The following ARHGEF12 variants were observed in gnomAD, a reference collection of about 807,000 sequenced individuals.
The protein encoded by ARHGEF12 is Rho guanine nucleotide exchange factor 12, also known as KMT2A/ARHGEF12 fusion protein.
In ARHGEF12, 66 loss-of-function variants were observed where a neutral mutation model predicts 211.2. The observed-to-expected ratio is 0.31, with a 90% CI of 0.26 to 0.38. The LOEUF (loss-of-function observed/expected upper bound fraction) is 0.38. ARHGEF12 is among the 10% of genes least tolerant of loss of function. ARHGEF12 has a pLI of 1.00. For synonymous variants in ARHGEF12, 592 were observed against 638.4 expected (o/e 0.93, Z 1.09); for missense variants, 1,429 against 1,869.5 (o/e 0.76, Z 4.34).
chr11:120,375,981 A>G (rs1943713959), intron 1 of ARHGEF12, among the ~76,000 whole-genome samples: 1 of 152,150 alleles, frequency 6.6e-6, no homozygotes, highest in South Asian at 2.1e-4. Flanking sequence ...GTTGGAAGGA[A>G]GATCACAGAG....
At chr11:120,458,014 G>T in intron 24 of ARHGEF12, 66 bp from the exon 25 acceptor site, 1 of 1,518,208 alleles carries the variant, frequency 6.6e-7, no homozygotes, top group East Asian at 2.3e-5. Context: ...GTAATATAAA[G>T]ATTTGTGCTG....
rs773062414 is a variant in ARHGEF12, at chr11:120,449,184, C to A, written c.1813C>A (p.Arg605=). ...ATTCCCCAGCATCCTGGGACCCCCA[C>A]GGAGACCAAGCCGTCATGACAACAG... ...RGFPSILGPP[R]RPSRHDNSAI... Residue 605 remains arginine (R), a synonymous_variant, in exon 21 of 41, where the codon CGG becomes AGG. Transcript: ENST00000397843. 6.2e-7 allele frequency: 1 copy of A among 1,613,966 alleles called. No homozygotes were observed. The highest frequency in any genetic ancestry group is 1.3e-5 in the African/African-American group (1 of 74,916).
chr11:120,433,905 C>T (rs940858131), intron 11 of ARHGEF12, among the ~76,000 whole-genome samples: 4 of 152,016 alleles, frequency 2.6e-5, no homozygotes, highest in African/African-American at 9.7e-5. Flanking sequence ...TTGCAGTGAG[C>T]CAAGATCGCG....
rs896547322 is a variant in ARHGEF12, at chr11:120,336,773, A to G, written c.-471A>G. ...CGGAGACGCGGCCAACGCTGCGGCC[A>G]CGAGCAGCCGGCAGCCCCAGATAGA... On this transcript the variant is annotated 5_prime_UTR_variant, in exon 1 of 41. Coordinates refer to ENST00000397843, the MANE Select transcript of ARHGEF12 (RefSeq NM_015313.3). 1.8e-5 allele frequency: 5 copies of G among 272,518 alleles called. No individual in the cohort carries two copies. Among genetic ancestry groups the G allele is most frequent in the African/African-American group, 1.1e-4 (5 of 46,410 alleles). 16.9% of individuals were successfully genotyped at this position (272,518 alleles called of 1,614,324 possible).
At position 120,336,526 on chromosome 11, in the gene ARHGEF12, G is replaced by C. The variant is rs1474304091; in HGVS notation, c.-718G>C. Among the ~76,000 whole-genome samples, 7 of 152,084 alleles carry C rather than the reference G, an allele frequency of 4.6e-5. No homozygotes were observed. The highest frequency in any genetic ancestry group is 1.7e-4 in the African/African-American group (7 of 41,546). Reference sequence around the variant, plus strand: ...CCCGCCCCTCGCGGGGAGCGTCGGGGAGGAGCCGCCGCCTCTGGCGATTGC... The same window carrying C: ...CCCGCCCCTCGCGGGGAGCGTCGGGCAGGAGCCGCCGCCTCTGGCGATTGC... On this transcript the variant is annotated 5_prime_UTR_variant, in exon 1 of 41. Coordinates refer to ENST00000397843, the MANE Select transcript of ARHGEF12 (RefSeq NM_015313.3).
rs552291009 is a variant in ARHGEF12, at chr11:120,415,411, TTAAATAAC to T, written c.200-5339_200-5332del. 1.8e-3 allele frequency among the ~76,000 whole-genome samples: 273 copies of T among 152,300 alleles called. 4 individuals carry two copies. In the South Asian group the frequency reaches 0.023, roughly 13 times the overall value. ...TTCACAGCACCTATGAACTGCAGTG[TTAAATAAC>T]TAGTATGGACAGATGCTCAATGCAA... On this transcript the variant is annotated intron_variant, in intron 4 of 40. Transcript: ENST00000397843.
Position 120,485,209 on chromosome 11 carries a change from T to TCTGGG in ARHGEF12, c.*133_*134insTGGGC. On this transcript the variant is annotated 3_prime_UTR_variant, in exon 41 of 41. Coordinates refer to ENST00000397843, the MANE Select transcript of ARHGEF12 (RefSeq NM_015313.3). ...CTGCCTGTGAACCACCTGGGATTAG[T>TCTGGG]CAAGTCCCAAGGTGCCCAGAGTGGG... The TCTGGG allele has an allele frequency of 8.5e-7, 1 of 1,181,222 alleles. No homozygotes were observed. The highest frequency in any genetic ancestry group is 1.2e-6 in the Non-Finnish European group (1 of 811,102). The allele number at this position is 1,181,222 out of a possible 1,614,324, so 73.2% of individuals were successfully genotyped here.
At chr11:120,381,155 CAG>C (rs146973076) in intron 1 of ARHGEF12, among the ~76,000 whole-genome samples, 2,577 of 152,256 alleles carry the variant, frequency 0.017, 73 homozygotes, top group Admixed American at 0.069. Flanking sequence ...TAGGCCCTCT[CAG>C]GGGACAGAGC....
At chr11:120,407,485 A>G (rs1392511831) in intron 2 of ARHGEF12, among the ~76,000 whole-genome samples, 1 of 152,218 alleles carries the variant, frequency 6.6e-6, no homozygotes, top group Non-Finnish European at 1.5e-5. Flanking sequence ...AAATGTAAGC[A>G]GTTACTTCTG....
At chr11:120,341,567 T>C (rs1463467446) in intron 1 of ARHGEF12, among the ~76,000 whole-genome samples, 2 of 152,250 alleles carry the variant, frequency 1.3e-5, no homozygotes, top group African/African-American at 4.8e-5. Flanking sequence ...GTGGTGGGTA[T>C]GAATTGCTTC....
At chr11:120,436,180 A>G (rs377215020) in intron 11 of ARHGEF12, among the ~76,000 whole-genome samples, 19 of 151,912 alleles carry the variant, frequency 1.3e-4, no homozygotes, top group African/African-American at 4.4e-4. Flanking sequence ...AGCCCCCTCA[A>G]ATTTTCTCCT....
Position 120,480,045 on chromosome 11 carries a change from C to T in ARHGEF12, c.3852C>T (p.Tyr1284=). 1.2e-6 allele frequency: 2 copies of T among 1,614,124 alleles called. No individual in the cohort carries two copies. Among genetic ancestry groups the T allele is most frequent in the Non-Finnish European group, 1.7e-6 (2 of 1,180,010 alleles). The change falls in exon 38 of 41, where the codon TAC becomes TAT. Residue 1284 remains tyrosine, a synonymous_variant. Coordinates refer to ENST00000397843, the MANE Select transcript of ARHGEF12 (RefSeq NM_015313.3). ...VQEDWQHFPR[Y]RTASQGPQTD... is the part of the protein sequence containing the mutation. Reference sequence around the variant, plus strand: ...AAGACTGGCAACATTTCCCAAGATACAGAACAGCCTCTCAGGGGCCGCAGA... The same window carrying T: ...AAGACTGGCAACATTTCCCAAGATATAGAACAGCCTCTCAGGGGCCGCAGA...
chr11:120,381,833 G>A (rs1943888013), intron 1 of ARHGEF12, among the ~76,000 whole-genome samples: 1 of 152,080 alleles, frequency 6.6e-6, no homozygotes, highest in African/African-American at 2.4e-5. Flanking sequence ...CTAGTCCCTA[G>A]CAACTACTAA....
chr11:120,425,774 A>T (rs2135701058), intron 7 of ARHGEF12, among the ~76,000 whole-genome samples: 1 of 152,114 alleles, frequency 6.6e-6, no homozygotes, highest in African/African-American at 2.4e-5. Flanking sequence ...AAAAAAAAAA[A>T]AAAGAGAGAG....
intron 1 of ARHGEF12, among the ~76,000 whole-genome samples, chr11:120,356,316 G>A (rs1421727483): frequency 6.6e-6 from 1 of 152,204 alleles, no homozygotes; most frequent in Admixed American, 6.5e-5. Context: ...TGCCTCCTGG[G>A]TTCAAGCGAT....
intron 39 of ARHGEF12, among the ~76,000 whole-genome samples, chr11:120,483,526 C>T (rs1454563471): frequency 6.6e-6 from 1 of 151,946 alleles, no homozygotes; most frequent in African/African-American, 2.4e-5. Flanking sequence ...CGGGTTCAAG[C>T]GATTCTCCTG....
At chr11:120,389,086 G>A (rs940348046) in intron 1 of ARHGEF12, among the ~76,000 whole-genome samples, 1 of 152,026 alleles carries the variant, frequency 6.6e-6, no homozygotes, top group African/African-American at 2.4e-5. Context: ...AGCCAGGCTG[G>A]TTTCGAACTC....
At chr11:120,414,673 A>G (rs1944978641) in intron 4 of ARHGEF12, among the ~76,000 whole-genome samples, 1 of 152,222 alleles carries the variant, frequency 6.6e-6, no homozygotes, top group Non-Finnish European at 1.5e-5. Flanking sequence ...CTGTGAAGAA[A>G]TACTCATATG....
intron 25 of ARHGEF12, 130 bp from the exon 26 acceptor site, chr11:120,459,044 T>G: frequency 1.2e-6 from 1 of 814,228 alleles, no homozygotes; most frequent in Non-Finnish European, 1.7e-6. Context: ...TTCAGAGATA[T>G]TTCATCCTTT....
Sources: gnomAD v4.1 joint callset for allele counts (sites outside exome capture counted in the v4.1 genomes callset) on GRCh38, gnomAD v4.1.1 for gene constraint, MANE v1.5 for transcripts, NCBI Gene and HGNC (gene_info 2026-07-23, HGNC 2026-07-21) for gene names.